Variants in CACNA2D2 observed in about 807,000 individuals in gnomAD.
CACNA2D2 encodes the protein voltage-dependent calcium channel subunit alpha-2/delta-2.
CACNA2D2 carries 48 observed loss-of-function variants against 166.4 expected under a neutral mutation model. The observed-to-expected ratio is 0.29, with a 90% CI of 0.23 to 0.37. CACNA2D2 has a LOEUF of 0.37. Among genes scored for constraint, CACNA2D2 ranks in the 10% least tolerant of loss-of-function variants. The pLI, the probability that CACNA2D2 is intolerant of heterozygous loss-of-function variation, is 1.00. For synonymous variants in CACNA2D2, 561 were observed against 573.7 expected (o/e 0.98, Z 0.32); for missense variants, 1,122 against 1,433.0 (o/e 0.78, Z 3.50).
chr3:50,364,395 C>T lies in CACNA2D2; in HGVS notation c.*271G>A. ...CACCAGTGCGTGTGGCCTCCCTGTCCCATCCCACTGGGGGGAGCCCAGCAG... is the reference window on the plus strand; with the variant it reads ...CACCAGTGCGTGTGGCCTCCCTGTCTCATCCCACTGGGGGGAGCCCAGCAG... On this transcript the variant is annotated 3_prime_UTR_variant, in exon 38 of 38. Transcript: ENST00000424201. 1 of 464,368 alleles carries T rather than the reference C, an allele frequency of 2.2e-6. No homozygotes were observed. Among genetic ancestry groups the T allele is most frequent in the South Asian group, 4.2e-5 (1 of 23,586 alleles). The allele number at this position is 464,368 out of a possible 1,614,324, so 28.8% of individuals were successfully genotyped here.
At chr3:50,503,645 C>G (rs1399854587), upstream of CACNA2D2, 1 of 159,310 alleles carries the variant, frequency 6.3e-6, no homozygotes, top group Non-Finnish European at 1.4e-5. Context: ...GAGCGCCCGG[C>G]CCGGGACCTG....
chr3:50,437,510 T>C (rs1708405055), intron 2 of CACNA2D2, among the ~76,000 whole-genome samples: 1 of 152,144 alleles, frequency 6.6e-6, no homozygotes, highest in South Asian at 2.1e-4. Context: ...AGTCCTCGAA[T>C]GATAGCCCCT....
intron 2 of CACNA2D2, among the ~76,000 whole-genome samples, chr3:50,447,948 C>T (rs993592144): frequency 2.0e-5 from 3 of 152,084 alleles, no homozygotes; most frequent in African/African-American, 7.2e-5. Context: ...CTTTTTAGGC[C>T]CCAGAACAGG....
chr3:50,496,309 A>G (rs1698721470), intron 1 of CACNA2D2, among the ~76,000 whole-genome samples: 1 of 152,244 alleles, frequency 6.6e-6, no homozygotes, highest in African/African-American at 2.4e-5. Flanking sequence ...ACACACATCT[A>G]CACACATGCA....
Position 50,367,503 on chromosome 3 carries a change from G to A in CACNA2D2, c.2298-6C>T. The stretch of plus-strand genomic sequence containing the variant: ...CTGTCCAGTCCTCAGCTGCCCTGGA[G>A]CACCCAAGAGGCAGACTGGTAGGTA... On this transcript the variant is annotated splice_polypyrimidine_tract_variant and splice_region_variant and intron_variant, in intron 26 of 37. Transcript: ENST00000424201. This position sits in a 1 kb window ranked among gnomAD's most constrained non-coding sequence, Gnocchi z 6.5. The A allele has an allele frequency of 6.2e-7, 1 of 1,613,594 alleles. No homozygotes were observed. The highest frequency in any genetic ancestry group is 8.5e-7 in the Non-Finnish European group (1 of 1,179,698).
rs1482948538 is a variant in CACNA2D2, at chr3:50,415,100, G to C, written c.405+19213C>G. ...ATCTCCACAGCCACCCAGTGTGATA[G>C]GCAGGCTAGGAATCCTGTTGACATT... On this transcript the variant is annotated intron_variant, in intron 3 of 37. Transcript: ENST00000424201. Among the ~76,000 whole-genome samples the C allele has an allele frequency of 5.3e-5, 8 of 152,226 alleles. No individual in the cohort carries two copies. The East Asian group carries it at 1.5e-3, about 29-fold the overall frequency.
chr3:50,485,524 A>G (rs1698242936), intron 1 of CACNA2D2, among the ~76,000 whole-genome samples: 1 of 152,276 alleles, frequency 6.6e-6, no homozygotes, highest in African/African-American at 2.4e-5. Flanking sequence ...AATAATCATT[A>G]TAAACGTTGA....
At position 50,476,130 on chromosome 3, in the gene CACNA2D2, C is replaced by G; in HGVS notation, c.276G>C (p.Gln92His). 2 of 1,601,342 alleles carry G rather than the reference C, an allele frequency of 1.2e-6. No individual in the cohort carries two copies. Among genetic ancestry groups the G allele is most frequent in the Non-Finnish European group, 1.7e-6 (2 of 1,174,404 alleles). Residue 92 changes from glutamine to histidine, a missense_variant, in exon 2 of 38, where the codon CAG becomes CAC. By Grantham distance (24) the Gln-to-His change is conservative. Around this residue, in one of 2 missense-constraint regions of CACNA2D2, gnomAD observed 840 missense variants for 1,166.8 expected, o/e 0.72. Transcript: ENST00000424201. Reference sequence around the variant, plus strand: ...GCACCGGGCTCACCTCACGGAGCTGCTGGACGCCTCCAAAAATCCGCATCA... The same window carrying G: ...GCACCGGGCTCACCTCACGGAGCTGGTGGACGCCTCCAAAAATCCGCATCA... ...DGVMRIFGGV[Q>H]QLREIYKDNR...
chr3:50,434,186 G>T, intron 3 of CACNA2D2, 127 bp downstream of exon 3: 1 of 699,306 alleles, frequency 1.4e-6, no homozygotes, highest in Non-Finnish European at 2.6e-6. Context: ...CAGCCCTGCT[G>T]ATGTTGGCCC....
At chr3:50,391,628 G>C (rs1705897857) in intron 4 of CACNA2D2, among the ~76,000 whole-genome samples, 1 of 152,246 alleles carries the variant, frequency 6.6e-6, no homozygotes, top group Admixed American at 6.5e-5. Flanking sequence ...TCTTGTCCCA[G>C]CTCTGACCCT....
At position 50,384,396 on chromosome 3, in the gene CACNA2D2, G is replaced by A; in HGVS notation, c.511-59C>T. 1.9e-6 allele frequency: 3 copies of A among 1,594,386 alleles called. No homozygotes were observed. In the South Asian group the frequency reaches 3.4e-5, roughly 18 times the overall value. On this transcript the variant is annotated intron_variant, in intron 5 of 37. Transcript: ENST00000424201. ...CTGGAAAATGGTGAATTGGGTTGTA[G>A]AGGCCTGCAAGTAGGGGCAGGGAGG...
chr3:50,376,198 C>T lies in CACNA2D2; in HGVS notation c.1627-10G>A. 1 of 1,613,110 alleles carries T rather than the reference C, an allele frequency of 6.2e-7. No homozygotes were observed. Among genetic ancestry groups the T allele is most frequent in the Non-Finnish European group, 8.5e-7 (1 of 1,179,862 alleles). ...AGCCGTTGGCTCCAAGCTGGAGGCA[C>T]AGATTGGGGGCTCAGGGTCTGGAGG... On this transcript the variant is annotated splice_polypyrimidine_tract_variant and intron_variant, in intron 17 of 37. Transcript: ENST00000424201. This position sits in a 1 kb window ranked among gnomAD's most constrained non-coding sequence, Gnocchi z 4.3.
chr3:50,478,782 C>T (rs1340486958), intron 1 of CACNA2D2, among the ~76,000 whole-genome samples: 4 of 152,206 alleles, frequency 2.6e-5, no homozygotes, highest in Non-Finnish European at 4.4e-5. Context: ...TCCAACTCTG[C>T]ATTTGGTACC....
chr3:50,440,610 G>A (rs752634325), intron 2 of CACNA2D2, among the ~76,000 whole-genome samples: 5 of 152,226 alleles, frequency 3.3e-5, no homozygotes, highest in African/African-American at 1.2e-4. Flanking sequence ...CAGCCTGCAC[G>A]GGCTACAGTG....
At chr3:50,446,860 G>C (rs1347753417) in intron 2 of CACNA2D2, among the ~76,000 whole-genome samples, 1 of 152,212 alleles carries the variant, frequency 6.6e-6, no homozygotes, top group Non-Finnish European at 1.5e-5. Flanking sequence ...TAGACTTCAA[G>C]GAGGTGCTTC....
chr3:50,440,412 C>T (rs747722381), intron 2 of CACNA2D2, among the ~76,000 whole-genome samples: 19 of 152,292 alleles, frequency 1.2e-4, no homozygotes, highest in Non-Finnish European at 1.5e-5. Flanking sequence ...CCATGCCACA[C>T]TGCCACCATC....
intron 23 of CACNA2D2, among the ~76,000 whole-genome samples, chr3:50,368,742 A>G (rs183553594): frequency 6.6e-6 from 1 of 152,308 alleles, no homozygotes; most frequent in East Asian, 1.9e-4. Context: ...AGGGTGTCAG[A>G]AAGTCAGTGG....
Position 50,365,931 on chromosome 3 carries a change from A to G in CACNA2D2, c.2863-69T>C. 6.2e-7 allele frequency: 1 copy of G among 1,612,108 alleles called. No homozygotes were observed. ...CCCTAGGTCACCCCCAGCTTTATCA[A>G]ATGTCAGAGGTAGGGGGTCATCTGT... On this transcript the variant is annotated intron_variant, in intron 32 of 37. Transcript: ENST00000424201. This position sits in a 1 kb window ranked among gnomAD's most constrained non-coding sequence, Gnocchi z 4.5.
rs1704022771 is a variant in CACNA2D2, at chr3:50,363,143, T to G, written c.*1523A>C. ...ATATATTTTTCTGTATATGTTTATATTCTCCATTGAGCACCTGACTACACT... is the reference window on the plus strand; with the variant it reads ...ATATATTTTTCTGTATATGTTTATAGTCTCCATTGAGCACCTGACTACACT... On this transcript the variant is annotated 3_prime_UTR_variant, in exon 38 of 38. Coordinates refer to ENST00000424201, the MANE Select transcript of CACNA2D2 (RefSeq NM_006030.4). 2.5e-6 allele frequency: 1 copy of G among 398,768 alleles called. No homozygotes were observed. The highest frequency in any genetic ancestry group is 2.1e-5 in the African/African-American group (1 of 48,598). The allele number at this position is 398,768 out of a possible 1,614,324, so 24.7% of individuals were successfully genotyped here. A position where few individuals can be genotyped will look rare whatever the true frequency, so the allele number is the denominator to read the frequency against.
Sources: allele counts gnomAD v4.1 joint callset (sites outside exome capture counted in the v4.1 genomes callset), GRCh38; gene constraint gnomAD v4.1.1; regional missense constraint gnomAD v4.1.1; non-coding constraint Gnocchi (gnomAD v3.1); transcripts MANE v1.5; gene names NCBI Gene and HGNC (gene_info 2026-07-23, HGNC 2026-07-21).